Variants in DPEP1 observed in about 807,000 individuals in gnomAD.
DPEP1 encodes the protein dipeptidase 1.
A neutral mutation model predicts 42.3 loss-of-function variants in DPEP1; 50 were observed. That is an observed-to-expected ratio of 1.18 (90% confidence interval 0.94 to 1.50). DPEP1 has a LOEUF of 1.50. DPEP1 is among the 40% of genes most tolerant of loss of function. The pLI is 0.00. For synonymous variants in DPEP1, 297 were observed against 234.0 expected (o/e 1.27, Z -2.46); for missense variants, 663 against 553.0 (o/e 1.20, Z -1.99).
intron 1 of DPEP1, among the ~76,000 whole-genome samples, chr16:89,626,703 C>T (rs547413510): frequency 6.6e-6 from 1 of 151,898 alleles, no homozygotes. Flanking sequence ...CAAACTCTCT[C>T]CCCCGCTGCC....
rs571383874 is a variant in DPEP1 at position 89,620,211 on chromosome 16, G to A, written c.-107+6492G>A. Among the ~76,000 whole-genome samples the A allele has an allele frequency of 4.3e-4, 66 of 152,210 alleles. 1 individual carries two copies. The highest frequency in any genetic ancestry group is 3.9e-3 in the Admixed American group (59 of 15,304). On this transcript the variant is annotated intron_variant, in intron 1 of 10. Transcript: ENST00000690203. ...ACTTACAGATAAAGAAACTGAGGAC[G>A]GAGTTTGTCCCAACTCCGGGGCCAG...
chr16:89,619,623 C>T (rs1476119606), intron 1 of DPEP1, among the ~76,000 whole-genome samples: 1 of 4,926 alleles, frequency 2.0e-4, no homozygotes, highest in Non-Finnish European at 3.8e-4. Flanking sequence ...CCTGCAGCCC[C>T]CTGCTCCCTC....
intron 1 of DPEP1, chr16:89,616,787 G>A (rs562650535): frequency 7.2e-6 from 2 of 276,380 alleles, no homozygotes; most frequent in African/African-American, 2.3e-5. Context: ...AAGCAGGCAG[G>A]AAGTGGGCAG....
rs372935287 is a variant in DPEP1, at chr16:89,636,935, G to A, written c.591G>A (p.Gln197=). 2 of 1,612,158 alleles carry A rather than the reference G, an allele frequency of 1.2e-6. No individual in the cohort carries two copies. Among genetic ancestry groups the A allele is most frequent in the African/African-American group, 2.7e-5 (2 of 74,938 alleles). ...PQSQGLSPFG[Q]RVVKELNRLG... is the part of the protein sequence containing the mutation. ...GCCAAGGCTTGTCACCCTTTGGGCA[G>A]GTGAGTGGGGTGGGAGCGGCCAGTC... The change falls in exon 6 of 11, where the codon CAG becomes CAA. Residue 197 remains glutamine (Q), a splice_region_variant and synonymous_variant. Transcript: ENST00000690203.
At chr16:89,632,354 G>A (rs1349016024) in intron 2 of DPEP1, among the ~76,000 whole-genome samples, 3 of 152,180 alleles carry the variant, frequency 2.0e-5, no homozygotes, top group Admixed American at 1.3e-4. Context: ...CGCCCGGCCG[G>A]GGGTCACAGT....
intron 2 of DPEP1, among the ~76,000 whole-genome samples, chr16:89,633,162 G>A (rs2151495067): frequency 6.6e-6 from 1 of 152,314 alleles, no homozygotes; most frequent in East Asian, 1.9e-4. Context: ...TAGCGATGAG[G>A]CTGCTGCCCG....
chr16:89,627,436 A>G (rs1384419600), intron 1 of DPEP1, among the ~76,000 whole-genome samples: 1 of 151,150 alleles, frequency 6.6e-6, no homozygotes, highest in East Asian at 2.0e-4. Context: ...TACAAAAAAA[A>G]TTAGCTGGGT....
rs2059687658 is a variant in DPEP1, at chr16:89,636,869, T to C, written c.525T>C (p.Ala175=). The C allele has an allele frequency of 6.2e-7, 1 of 1,612,526 alleles. No homozygotes were observed. The highest frequency in any genetic ancestry group is 8.5e-7 in the Non-Finnish European group (1 of 1,179,910). The change falls in exon 6 of 11, where the codon GCT becomes GCC. Residue 175 remains alanine (A), a synonymous_variant. Transcript: ENST00000690203. ...CACCTGCCTTTTGCTTCTCCAGGGC[T>C]GACAACTGGCTGGTGGACACGGGAG... The part of the protein sequence containing the change: ...TLTHSCNTPW[A]DNWLVDTGDS...
At chr16:89,625,366 G>C (rs1397158730) in intron 1 of DPEP1, among the ~76,000 whole-genome samples, 1 of 152,160 alleles carries the variant, frequency 6.6e-6, no homozygotes, top group African/African-American at 2.4e-5. Context: ...TTAACCGTCA[G>C]TTCTCTTCCC....
chr16:89,627,516 C>T (rs570184941), intron 1 of DPEP1, among the ~76,000 whole-genome samples: 12 of 147,540 alleles, frequency 8.1e-5, no homozygotes, highest in East Asian at 2.1e-4. Context: ...CAGAGGTTGC[C>T]GTGAGCCGAG....
chr16:89,629,216 T>C (rs2059553744), intron 1 of DPEP1, among the ~76,000 whole-genome samples: 1 of 152,328 alleles, frequency 6.6e-6, no homozygotes, highest in African/African-American at 2.4e-5. Context: ...CGATTTATCA[T>C]GACCTGGGCA....
At chr16:89,617,955 C>T (rs557649791) in intron 1 of DPEP1, among the ~76,000 whole-genome samples, 61 of 152,148 alleles carry the variant, frequency 4.0e-4, no homozygotes, top group South Asian at 1.9e-3. Context: ...ACCTGGGAGA[C>T]GGAGGTTGCA....
intron 8 of DPEP1, 29 bp from the exon 9 acceptor site, chr16:89,637,603 G>A (rs201976377): frequency 1.6e-4 from 264 of 1,612,808 alleles, no homozygotes; most frequent in Non-Finnish European, 2.0e-4. Context: ...GGCCTCACTC[G>A]GGACCCATAC....
intron 1 of DPEP1, among the ~76,000 whole-genome samples, chr16:89,615,508 C>G (rs772980455): frequency 6.6e-6 from 1 of 152,336 alleles, no homozygotes; most frequent in Non-Finnish European, 1.5e-5. Context: ...TAACAGCAGC[C>G]TTGCTCTCAG....
chr16:89,640,685 C>CG (rs1286508070), downstream of DPEP1: 8 of 971,722 alleles, frequency 8.2e-6, no homozygotes, highest in Non-Finnish European at 7.3e-6. Context: ...ATTGGAGACT[C>CG]GGGGGGTCCC....
At chr16:89,636,202 G>A (rs1300008489) in intron 3 of DPEP1, 62 bp from the exon 4 acceptor site, 10 of 1,566,264 alleles carry the variant, frequency 6.4e-6, no homozygotes, top group East Asian at 2.3e-5. Context: ...ACTCCCACAG[G>A]CATGCGGGGG....
chr16:89,637,079 C>T, intron 6 of DPEP1, 125 bp from the exon 7 acceptor site: 1 of 1,526,444 alleles, frequency 6.6e-7, no homozygotes, highest in Non-Finnish European at 8.8e-7. Context: ...AGGGTGGGTG[C>T]TGAGCCCTGA....
chr16:89,638,467 G>A (rs1421005264), downstream of DPEP1: 30 of 1,302,856 alleles, frequency 2.3e-5, no homozygotes, highest in East Asian at 9.1e-4. Flanking sequence ...TCCGGCTCAG[G>A]AGGTGGGGTG....
chr16:89,622,932 C>T (rs915787951), intron 1 of DPEP1, among the ~76,000 whole-genome samples: 1 of 152,076 alleles, frequency 6.6e-6, no homozygotes, highest in African/African-American at 2.4e-5. Context: ...CAGGGTGTTC[C>T]AGCGAGAGAC....
Sources: gnomAD v4.1 joint callset for allele counts (sites outside exome capture counted in the v4.1 genomes callset) on GRCh38, gnomAD v4.1.1 for gene constraint, MANE v1.5 for transcripts, NCBI Gene and HGNC (gene_info 2026-07-23, HGNC 2026-07-21) for gene names.